LSAMP: variants seen among roughly 807,000 people sequenced by gnomAD.
LSAMP encodes limbic system associated membrane protein.
A neutral mutation model predicts 38.6 loss-of-function variants in LSAMP; 7 were observed. The observed-to-expected ratio is 0.18, with a 90% CI of 0.10 to 0.34. LSAMP has a LOEUF of 0.34. Among genes scored for constraint, LSAMP ranks in the 10% least tolerant of loss-of-function variants. The pLI is 1.00. For synonymous variants in LSAMP, 154 were observed against 166.8 expected (o/e 0.92, Z 0.59); for missense variants, 313 against 420.0 (o/e 0.75, Z 2.23).
intron 1 of LSAMP, among the ~76,000 whole-genome samples, chr3:116,403,598 A>G (rs1468800712): frequency 6.6e-6 from 1 of 152,176 alleles, no homozygotes; most frequent in Admixed American, 6.6e-5. Context: ...TAATTGAAAT[A>G]ATTCTGTGTG....
chr3:116,273,036 AC>A (rs1455870277), intron 1 of LSAMP, among the ~76,000 whole-genome samples: 1 of 152,062 alleles, frequency 6.6e-6, no homozygotes, highest in Non-Finnish European at 1.5e-5. Flanking sequence ...CATTCTTTGA[AC>A]ACTACTTAGA....
intron 1 of LSAMP, among the ~76,000 whole-genome samples, chr3:116,442,003 T>C (rs1300264914): frequency 6.6e-6 from 1 of 152,158 alleles, no homozygotes; most frequent in Non-Finnish European, 1.5e-5. Context: ...TATGTATACA[T>C]GAAGCTACCT....
At chr3:116,109,675 A>G (rs1358185936) in intron 1 of LSAMP, among the ~76,000 whole-genome samples, 1 of 152,180 alleles carries the variant, frequency 6.6e-6, no homozygotes, top group East Asian at 1.9e-4. Context: ...GCAGAAGAAA[A>G]TAAGGCATTT....
At chr3:116,418,762 TA>T (rs2049084477) in intron 1 of LSAMP, among the ~76,000 whole-genome samples, 1 of 152,204 alleles carries the variant, frequency 6.6e-6, no homozygotes, top group Admixed American at 6.5e-5. Context: ...TGTAGACAGA[TA>T]GATAAATAGA....
At chr3:116,300,879 C>T (rs2047398576) in intron 1 of LSAMP, among the ~76,000 whole-genome samples, 1 of 152,134 alleles carries the variant, frequency 6.6e-6, no homozygotes, top group Non-Finnish European at 1.5e-5. Context: ...AATCCAACCT[C>T]TGAAAACGAA....
intron 3 of LSAMP, among the ~76,000 whole-genome samples, chr3:115,943,273 A>T (rs1275299847): frequency 6.6e-6 from 1 of 152,080 alleles, no homozygotes; most frequent in Non-Finnish European, 1.5e-5. Context: ...GTCTATTCTC[A>T]TGTCTCCTGA....
chr3:116,429,217 T>C (rs964411216), intron 1 of LSAMP, among the ~76,000 whole-genome samples: 1 of 152,222 alleles, frequency 6.6e-6, no homozygotes. Flanking sequence ...ACTCTGATAA[T>C]TGCTGTTTAA....
chr3:116,167,034 G>A (rs988197465), intron 1 of LSAMP, among the ~76,000 whole-genome samples: 31 of 152,004 alleles, frequency 2.0e-4, no homozygotes, highest in South Asian at 1.9e-3. Flanking sequence ...CTCGTGATCC[G>A]CCCGCCTTGG....
chr3:115,869,269 G>GGGGAGAGAGA (rs1352019629), intron 3 of LSAMP, among the ~76,000 whole-genome samples: 1 of 128,452 alleles, frequency 7.8e-6, no homozygotes, highest in Admixed American at 9.0e-5. Flanking sequence ...TCTTGGAGGG[G>GGGGAGAGAGA]GAGAGAGAGA....
chr3:116,099,902 A>C, intron 1 of LSAMP, among the ~76,000 whole-genome samples: 1 of 152,156 alleles, frequency 6.6e-6, no homozygotes, highest in Non-Finnish European at 1.5e-5. Context: ...TTGAAATCTG[A>C]AATGGTATAC....
At chr3:116,349,524 C>T (rs1033018600) in intron 1 of LSAMP, among the ~76,000 whole-genome samples, 1 of 151,470 alleles carries the variant, frequency 6.6e-6, no homozygotes, top group African/African-American at 2.4e-5. Context: ...CTCTCACACA[C>T]ACACACACAC....
chr3:116,181,160 T>C (rs945865353), intron 1 of LSAMP, among the ~76,000 whole-genome samples: 2 of 152,058 alleles, frequency 1.3e-5, no homozygotes, highest in Non-Finnish European at 2.9e-5. Flanking sequence ...GATCTGGAGA[T>C]GTTTGCTCAT....
intron 1 of LSAMP, among the ~76,000 whole-genome samples, chr3:116,209,371 A>T (rs1559784146): frequency 6.6e-6 from 1 of 152,116 alleles, no homozygotes; most frequent in Non-Finnish European, 1.5e-5. Flanking sequence ...TGCTTCGCTC[A>T]CGCTGGGAGC....
At chr3:115,811,796 T>G (rs1012213172) in intron 6 of LSAMP, among the ~76,000 whole-genome samples, 1 of 152,298 alleles carries the variant, frequency 6.6e-6, no homozygotes, top group Middle Eastern at 3.4e-3. Context: ...TACTACACGA[T>G]TTTGTCACAA....
chr3:115,918,711 T>TG (rs1937312714), intron 3 of LSAMP, among the ~76,000 whole-genome samples: 3 of 151,282 alleles, frequency 2.0e-5, no homozygotes, highest in Admixed American at 6.6e-5. Flanking sequence ...GAACAGGTTT[T>TG]TTTTTTTTTT....
At chr3:116,045,039 C>G (rs1167049444) in intron 2 of LSAMP, among the ~76,000 whole-genome samples, 2 of 152,202 alleles carry the variant, frequency 1.3e-5, no homozygotes, top group East Asian at 3.8e-4. Context: ...ATTCCATATA[C>G]ATGGGTTGCC....
chr3:116,024,215 C>T (rs140353602), intron 2 of LSAMP, among the ~76,000 whole-genome samples: 174 of 152,208 alleles, frequency 1.1e-3, no homozygotes, highest in African/African-American at 3.9e-3. Flanking sequence ...AACTGTAAGA[C>T]GCACAGTGTT....
chr3:116,082,506 A>G (rs1201570075), intron 2 of LSAMP, among the ~76,000 whole-genome samples: 2 of 152,190 alleles, frequency 1.3e-5, no homozygotes, highest in African/African-American at 4.8e-5. Context: ...TAGTAAGCCA[A>G]AATGTTGACT....
intron 1 of LSAMP, among the ~76,000 whole-genome samples, chr3:116,317,187 C>A (rs2047640322): frequency 6.6e-6 from 1 of 152,094 alleles, no homozygotes; most frequent in Non-Finnish European, 1.5e-5. Flanking sequence ...TTGTTTGGCT[C>A]TTCACAATAA....
Sources: gnomAD v4.1 joint callset for allele counts (sites outside exome capture counted in the v4.1 genomes callset) on GRCh38, gnomAD v4.1.1 for gene constraint, MANE v1.5 for transcripts, NCBI Gene and HGNC (gene_info 2026-07-23, HGNC 2026-07-21) for gene names.